Variants in PTPRR observed in about 807,000 individuals in gnomAD.
The protein encoded by PTPRR is receptor-type tyrosine-protein phosphatase R.
A neutral mutation model predicts 77.2 loss-of-function variants in PTPRR; 38 were observed. The observed-to-expected ratio is 0.49, with a 90% CI of 0.38 to 0.65. The LOEUF (loss-of-function observed/expected upper bound fraction) is 0.65. Ranked by LOEUF, PTPRR falls within the 30% of genes least tolerant of loss-of-function variation. The probability of loss-of-function intolerance (pLI) is 0.00; values close to 1 mark genes in which losing one functional copy is unlikely to be tolerated. For synonymous variants in PTPRR, 299 were observed against 283.1 expected, an observed-to-expected ratio of 1.06 and a Z score of -0.57; for missense variants, 744 against 799.2, an observed-to-expected ratio of 0.93 and a Z score of 0.83.
At position 70,892,965 on chromosome 12, in the gene PTPRR, C is replaced by A; in HGVS notation, c.71G>T (p.Gly24Val). The change falls in exon 2 of 14, where the codon GGA (glycine) becomes GTA (valine). Residue 24 changes from glycine (G) to valine (V), a missense_variant. Gly to Val is a moderately radical substitution (Grantham distance 109). Around this residue, in one of 3 missense-constraint regions of PTPRR, gnomAD observed 570 missense variants for 573.2 expected, o/e 0.99. Transcript: ENST00000283228. Reference sequence around the variant, plus strand: ...AATTGCCAAAAAATGATCATTGTTTCCTGAAAAGCACCCTGAAAGAGGGAA... The same window carrying A: ...AATTGCCAAAAAATGATCATTGTTTACTGAAAAGCACCCTGAAAGAGGGAA... ...LNLHAAGCFS[G>V]NNDHFLAINQ... The A allele has an allele frequency of 6.2e-7, 1 of 1,612,428 alleles. No homozygotes were observed. Among genetic ancestry groups the A allele is most frequent in the Non-Finnish European group, 8.5e-7 (1 of 1,179,020 alleles).
At chr12:70,775,415 A>C (rs1481771372) in intron 2 of PTPRR, among the ~76,000 whole-genome samples, 1 of 152,264 alleles carries the variant, frequency 6.6e-6, no homozygotes, top group Non-Finnish European at 1.5e-5. Context: ...GATAGGATTG[A>C]TGAAATGTAG....
At chr12:70,715,483 G>T (rs1384326599) in intron 6 of PTPRR, among the ~76,000 whole-genome samples, 1 of 152,074 alleles carries the variant, frequency 6.6e-6, no homozygotes, top group African/African-American at 2.4e-5. Flanking sequence ...TTATTAGGTG[G>T]GAATTTCTTC....
At position 70,773,137 on chromosome 12, in the gene PTPRR, A is replaced by G. The variant is rs1425360018; in HGVS notation, c.358-8359T>C. On this transcript the variant is annotated intron_variant, in intron 2 of 13. Coordinates refer to ENST00000283228, the MANE Select transcript of PTPRR (RefSeq NM_002849.4). ...CTTCCCTCTGAGTGTCTGTGTCCAA[A>G]TTTTCCCTTTTTATAAGGGCCTCCT... is the stretch of plus-strand genomic sequence containing the variant. Among the ~76,000 whole-genome samples, 4 of 151,974 alleles carry G rather than the reference A, an allele frequency of 2.6e-5. No homozygotes were observed. The South Asian group carries it at 8.4e-4, about 32-fold the overall frequency.
At chr12:70,781,446 C>A (rs1891201101) in intron 2 of PTPRR, among the ~76,000 whole-genome samples, 1 of 152,132 alleles carries the variant, frequency 6.6e-6, no homozygotes, top group African/African-American at 2.4e-5. Context: ...TAATTGGAAG[C>A]CTTCAAGTCC....
intron 2 of PTPRR, among the ~76,000 whole-genome samples, chr12:70,875,910 G>T (rs760630503): frequency 1.3e-5 from 2 of 152,078 alleles, no homozygotes; most frequent in Non-Finnish European, 2.9e-5. Flanking sequence ...ACACATGAAA[G>T]ATGTTGTCCT....
intron 6 of PTPRR, among the ~76,000 whole-genome samples, chr12:70,735,166 C>T (rs577446411): frequency 2.0e-5 from 3 of 152,112 alleles, no homozygotes; most frequent in Admixed American, 2.0e-4. Flanking sequence ...TCCAGTGCCT[C>T]CCTCAGCTCT....
intron 2 of PTPRR, among the ~76,000 whole-genome samples, chr12:70,827,928 C>T (rs1892143791): frequency 6.6e-6 from 1 of 152,010 alleles, no homozygotes; most frequent in Admixed American, 6.5e-5. Flanking sequence ...ACCATGTTGG[C>T]CAGTCTCACT....
intron 8 of PTPRR, among the ~76,000 whole-genome samples, chr12:70,690,349 TA>T (rs1888013366): frequency 6.6e-6 from 1 of 152,210 alleles, no homozygotes. Flanking sequence ...AGGGAGGCAT[TA>T]ATAGAATAGG....
At chr12:70,728,158 C>A (rs1288433536) in intron 6 of PTPRR, among the ~76,000 whole-genome samples, 5 of 150,156 alleles carry the variant, frequency 3.3e-5, no homozygotes, top group Non-Finnish European at 5.9e-5. Context: ...ATCCCTGTAT[C>A]CCTTATCCGA....
At chr12:70,792,014 C>A (rs1391810128) in intron 2 of PTPRR, among the ~76,000 whole-genome samples, 1 of 152,190 alleles carries the variant, frequency 6.6e-6, no homozygotes, top group Non-Finnish European at 1.5e-5. Flanking sequence ...GACATCATCT[C>A]CCATTAGGTA....
At chr12:70,715,573 C>T (rs1267121818) in intron 6 of PTPRR, among the ~76,000 whole-genome samples, 1 of 152,156 alleles carries the variant, frequency 6.6e-6, no homozygotes, top group Non-Finnish European at 1.5e-5. Context: ...CAGATGGCCA[C>T]GCCCAGGGGG....
intron 2 of PTPRR, among the ~76,000 whole-genome samples, chr12:70,862,687 A>G (rs189642831): frequency 6.6e-6 from 1 of 151,826 alleles, no homozygotes; most frequent in Non-Finnish European, 1.5e-5. Flanking sequence ...ACATGTATAC[A>G]TATGTAACTA....
intron 3 of PTPRR, among the ~76,000 whole-genome samples, chr12:70,763,285 T>G (rs11178397): frequency 0.11 from 16,416 of 151,932 alleles, 1,152 homozygotes; most frequent in African/African-American, 0.19. Context: ...CCTGCCACCA[T>G]GCCCGGCCAA....
At chr12:70,818,140 A>G (rs982393948) in intron 2 of PTPRR, among the ~76,000 whole-genome samples, 2 of 149,774 alleles carry the variant, frequency 1.3e-5, no homozygotes, top group Non-Finnish European at 3.0e-5. Flanking sequence ...TGAACCCAGG[A>G]TTGAGGCAGT....
At chr12:70,806,827 G>A (rs1375674293) in intron 2 of PTPRR, among the ~76,000 whole-genome samples, 2 of 152,068 alleles carry the variant, frequency 1.3e-5, no homozygotes, top group Admixed American at 6.6e-5. Flanking sequence ...CTCTTTTCCT[G>A]TCCTACAACT....
chr12:70,760,837 C>T lies in PTPRR; in HGVS notation c.627+634G>A, dbSNP rs562638984. ...GATCCTTTCAGTAGGTTTGTTAGAG[C>T]GGGATGGAGTAATAGAATTGGAAAG... On this transcript the variant is annotated intron_variant, in intron 4 of 13. Transcript: ENST00000283228. Among the ~76,000 whole-genome samples, 47 of 152,022 alleles carry T rather than the reference C, an allele frequency of 3.1e-4. 2 individuals carry two copies. In the South Asian group the frequency reaches 8.9e-3, roughly 29 times the overall value.
chr12:70,773,041 G>A (rs1891013838), intron 2 of PTPRR, among the ~76,000 whole-genome samples: 2 of 151,882 alleles, frequency 1.3e-5, no homozygotes, highest in South Asian at 4.2e-4. Flanking sequence ...GGGATTCCTT[G>A]GATTACAGAT....
chr12:70,766,307 A>G, intron 2 of PTPRR, among the ~76,000 whole-genome samples: 1 of 152,246 alleles, frequency 6.6e-6, no homozygotes, highest in African/African-American at 2.4e-5. Context: ...ACCAATACAG[A>G]GAAGTGCTTA....
chr12:70,909,108 C>G (rs1463561985), intron 1 of PTPRR, among the ~76,000 whole-genome samples: 1 of 152,116 alleles, frequency 6.6e-6, no homozygotes, highest in Non-Finnish European at 1.5e-5. Flanking sequence ...GCGCTGCCAG[C>G]AGTGACAGCT....
Sources: gnomAD v4.1 joint callset for allele counts (sites outside exome capture counted in the v4.1 genomes callset) on GRCh38, gnomAD v4.1.1 for gene constraint, gnomAD v4.1.1 regional missense constraint, MANE v1.5 for transcripts, NCBI Gene and HGNC (gene_info 2026-07-23, HGNC 2026-07-21) for gene names.